C1orf174: variants seen among roughly 807,000 people sequenced by gnomAD.
C1orf174 encodes the protein UPF0688 protein C1orf174.
In C1orf174, 13 loss-of-function variants were observed where a neutral mutation model predicts 18.4. The observed-to-expected ratio is 0.71, with a 90% CI of 0.46 to 1.12. The LOEUF (loss-of-function observed/expected upper bound fraction) is 1.12. Among genes scored for constraint, C1orf174 ranks in the 50% most tolerant of loss-of-function variants. The pLI, the probability that C1orf174 is intolerant of heterozygous loss-of-function variation, is 0.00. For missense variants in C1orf174, 309 were observed against 308.0 expected (o/e 1.00, Z -0.02); for synonymous variants, 100 against 118.3 (o/e 0.85, Z 1.01).
intron 1 of C1orf174, among the ~76,000 whole-genome samples, chr1:3,898,532 A>AACC (rs779829539): frequency 5.3e-5 from 8 of 149,754 alleles, no homozygotes; most frequent in East Asian, 1.9e-4. Context: ...CAACAACAAC[A>AACC]ACAACAACAA....
At chr1:3,891,319 C>T (rs1317933148) in intron 2 of C1orf174, 1 of 430,482 alleles carries the variant, frequency 2.3e-6, no homozygotes, top group Non-Finnish European at 4.1e-6. Context: ...CTTTCAGTTT[C>T]CCCTAGTGGC....
chr1:3,897,853 T>C (rs966426621), intron 1 of C1orf174, among the ~76,000 whole-genome samples: 1 of 151,954 alleles, frequency 6.6e-6, no homozygotes, highest in African/African-American at 2.4e-5. Context: ...TTAGTAGAGA[T>C]AGGGTTTCAC....
At chr1:3,899,810 G>GC (rs961920629) in intron 1 of C1orf174, among the ~76,000 whole-genome samples, 1 of 151,754 alleles carries the variant, frequency 6.6e-6, no homozygotes, top group African/African-American at 2.4e-5. Context: ...GTGGACCGGA[G>GC]CCCCCCTTCT....
chr1:3,896,417 G>A (rs1638606887), intron 1 of C1orf174, among the ~76,000 whole-genome samples: 1 of 152,216 alleles, frequency 6.6e-6, no homozygotes, highest in African/African-American at 2.4e-5. Context: ...GCTGCTGCTA[G>A]CTCCCCCAGC....
At position 3,899,679 on chromosome 1, in the gene C1orf174, T is replaced by G. The variant is rs559044912; in HGVS notation, c.15+493A>C. On this transcript the variant is annotated intron_variant, in intron 1 of 3. Transcript: ENST00000361605. ...TAGCACTACCAGGAGTTGAAACCAG[T>G]TCTGGAGAGGGTGCCCCACCTTCCT... 4.0e-4 allele frequency among the ~76,000 whole-genome samples: 61 copies of G among 152,296 alleles called. 3 individuals are homozygous for G. The South Asian group carries it at 0.012, about 30-fold the overall frequency.
intron 1 of C1orf174, 89 bp downstream of exon 1, chr1:3,900,083 C>A: frequency 1.4e-6 from 2 of 1,475,092 alleles, no homozygotes; most frequent in African/African-American, 1.5e-5. Context: ...CCACAGGCAC[C>A]CCGTGACCCC....
At chr1:3,891,614 G>C in intron 2 of C1orf174, 5 of 986,136 alleles carry the variant, frequency 5.1e-6, no homozygotes, top group Non-Finnish European at 6.0e-6. Flanking sequence ...CCGTGAAGCG[G>C]CTCTACTTCA....
chr1:3,894,226 C>A (rs1036057827), intron 1 of C1orf174, among the ~76,000 whole-genome samples: 2 of 151,880 alleles, frequency 1.3e-5, no homozygotes, highest in African/African-American at 4.8e-5. Flanking sequence ...AGAACTGGAA[C>A]CCAGAAGGGG....
At chr1:3,892,771 G>C in intron 2 of C1orf174, 112 bp downstream of exon 2, 1 of 1,495,882 alleles carries the variant, frequency 6.7e-7, no homozygotes, top group Admixed American at 2.3e-5. Context: ...CCCTCTGGCA[G>C]ATAAGTAACA....
At position 3,889,898 on chromosome 1, in the gene C1orf174, T is replaced by A; in HGVS notation, c.*62A>T. The stretch of plus-strand genomic sequence containing the variant: ...GATACATTTTATATAAATCTTGTAA[T>A]GTGCTAAATTGTCAAATTGTTAATG... On this transcript the variant is annotated 3_prime_UTR_variant, in exon 4 of 4. Transcript: ENST00000361605. 7.6e-7 allele frequency: 1 copy of A among 1,322,604 alleles called. No homozygotes were observed. Among genetic ancestry groups the A allele is most frequent in the Non-Finnish European group, 1.1e-6 (1 of 915,136 alleles). The allele number at this position is 1,322,604 out of a possible 1,614,324, so 81.9% of individuals were successfully genotyped here. A position where few individuals can be genotyped will look rare whatever the true frequency, so the allele number is the denominator to read the frequency against.
At chr1:3,899,837 G>A (rs1227619022) in intron 1 of C1orf174, among the ~76,000 whole-genome samples, 1 of 151,658 alleles carries the variant, frequency 6.6e-6, no homozygotes, top group East Asian at 1.9e-4. Context: ...GGCATGGCCT[G>A]GGAGCTCCCC....
At chr1:3,899,394 G>C (rs931830064) in intron 1 of C1orf174, among the ~76,000 whole-genome samples, 1 of 152,226 alleles carries the variant, frequency 6.6e-6, no homozygotes, top group African/African-American at 2.4e-5. Flanking sequence ...ATGCAGCTCA[G>C]AGCCTCCCAA....
rs1557737395 is a variant in C1orf174, at chr1:3,889,255, A to C, written c.*705T>G. ...GAACTAGCATTGAATTCATCACAAG[A>C]ATCATCAAATTATGATAATGGAAAA... On this transcript the variant is annotated 3_prime_UTR_variant, in exon 4 of 4. Transcript: ENST00000361605. 6.6e-6 allele frequency: 1 copy of C among 152,234 alleles called. No homozygotes were observed. The highest frequency in any genetic ancestry group is 1.9e-4 in the East Asian group (1 of 5,202). The allele number at this position is 152,234 out of a possible 1,614,324, so 9.4% of individuals were successfully genotyped here.
In C1orf174 at chr1:3,892,599, CGGGTCT is replaced by C. The variant is rs2124784142; in HGVS notation, c.129+278_129+283del. 8.5e-6 allele frequency: 4 copies of C among 473,056 alleles called. No individual in the cohort carries two copies. The African/African-American group carries it at 1.1e-4, about 13-fold the overall frequency. 29.3% of individuals were successfully genotyped at this position (473,056 alleles called of 1,614,324 possible). On this transcript the variant is annotated intron_variant, in intron 2 of 3. Transcript: ENST00000361605. ...GTGGGCGGGTGCTAGGATCAGGGCC[CGGGTCT>C]AGACACACACACGGGTGGGCGGGTG...
Position 3,889,551 on chromosome 1 carries a change from TG to T in C1orf174, c.*408del, listed in dbSNP as rs1306966120. 4 of 161,190 alleles carry T rather than the reference TG, an allele frequency of 2.5e-5. No homozygotes were observed. The highest frequency in any genetic ancestry group is 9.6e-5 in the African/African-American group (4 of 41,484). 10.0% of individuals were successfully genotyped at this position (161,190 alleles called of 1,614,324 possible). On this transcript the variant is annotated 3_prime_UTR_variant, in exon 4 of 4. Coordinates refer to ENST00000361605, the MANE Select transcript of C1orf174 (RefSeq NM_207356.3). ...GTCTACTAATAATACAAAAACTAGC[TG>T]GGTGTGGTGGTGTATGCCTGTAATC...
In C1orf174 at chr1:3,890,348, G is replaced by T. The variant is rs191592485; in HGVS notation, c.618+221C>A. Among the ~76,000 whole-genome samples, 387 of 152,300 alleles carry T rather than the reference G, an allele frequency of 2.5e-3. 2 individuals carry two copies. Among genetic ancestry groups the T allele is most frequent in the African/African-American group, 8.3e-3 (345 of 41,560 alleles). On this transcript the variant is annotated intron_variant, in intron 3 of 3. Coordinates refer to ENST00000361605, the MANE Select transcript of C1orf174 (RefSeq NM_207356.3). ...AAAAAAACCACAAACCTGATTTCAT[G>T]GAAACACACCTTTCCCGAGAGCAGT...
rs776079436 is a variant in C1orf174, at chr1:3,890,813, C to T, written c.374G>A (p.Arg125Lys). The change falls in exon 3 of 4, where the codon AGA becomes AAA. Residue 125 changes from arginine to lysine, a missense_variant. Coordinates refer to ENST00000361605, the MANE Select transcript of C1orf174 (RefSeq NM_207356.3). Reference protein sequence around the residue: ...GAASLPLGGCRVVSDSRLAKT... With the variant: ...GAASLPLGGCKVVSDSRLAKT... ...TGCTAAGCGAGAGTCACTCACAACT[C>T]TGCAGCCACCGAGAGGAAGACTTGC... 1.2e-6 allele frequency: 2 copies of T among 1,613,510 alleles called. No individual in the cohort carries two copies. The highest frequency in any genetic ancestry group is 3.3e-5 in the Admixed American group (2 of 60,002).
At chr1:3,891,566 T>G in intron 2 of C1orf174, 1 of 985,738 alleles carries the variant, frequency 1.0e-6, no homozygotes, top group Non-Finnish European at 1.2e-6. Flanking sequence ...TGCTACACGC[T>G]GGCATATGGC....
At position 3,892,990 on chromosome 1, in the gene C1orf174, C is replaced by T; in HGVS notation, c.22G>A (p.Gly8Ser). The T allele has an allele frequency of 3.7e-6, 6 of 1,613,950 alleles. No homozygotes were observed. The highest frequency in any genetic ancestry group is 1.6e-4 in the Middle Eastern group (1 of 6,062). The part of the protein sequence containing the change: MRSRKLT[G>S]AVRSSARLKA... ...AAGCGCGCTGAAGACCGCACTGCAC[C>T]TGTGAGCTAGAGAGATTGAGAGCCA... The change falls in exon 2 of 4, where the codon GGT becomes AGT. Residue 8 changes from glycine to serine, a missense_variant. Gly to Ser is a moderately conservative substitution (Grantham distance 56). Coordinates refer to ENST00000361605, the MANE Select transcript of C1orf174 (RefSeq NM_207356.3).
Sources: allele counts gnomAD v4.1 joint callset (sites outside exome capture counted in the v4.1 genomes callset), GRCh38; gene constraint gnomAD v4.1.1; transcripts MANE v1.5; gene names NCBI Gene and HGNC (gene_info 2026-07-23, HGNC 2026-07-21).